HNF4G: variants seen among roughly 807,000 people sequenced by gnomAD.
HNF4G encodes hepatocyte nuclear factor 4-gamma.
Under a neutral mutation model 50.9 loss-of-function variants are expected in HNF4G, and 21 were observed. That is an observed-to-expected ratio of 0.41 (90% CI 0.29 to 0.59). HNF4G has a LOEUF of 0.59. HNF4G is among the 20% of genes least tolerant of loss of function. The pLI is 0.26. For missense variants in HNF4G, 527 were observed against 559.4 expected (o/e 0.94, Z 0.58); for synonymous variants, 198 against 185.6 (o/e 1.07, Z -0.54).
intron 1 of HNF4G, among the ~76,000 whole-genome samples, chr8:75,444,367 C>T (rs1585848554): frequency 6.6e-6 from 1 of 151,738 alleles, no homozygotes; most frequent in South Asian, 2.1e-4. Flanking sequence ...GAAACTGCAT[C>T]AACTAACCAG....
chr8:75,468,413 G>A (rs183223655), intron 1 of HNF4G, among the ~76,000 whole-genome samples: 22 of 152,168 alleles, frequency 1.4e-4, no homozygotes, highest in African/African-American at 4.6e-4. Flanking sequence ...AATATATGTA[G>A]GGCTGGGCAC....
upstream of HNF4G, among the ~76,000 whole-genome samples, chr8:75,535,161 A>G (rs79704711): frequency 0.011 from 1,709 of 151,912 alleles, 41 homozygotes; most frequent in African/African-American, 0.039. Flanking sequence ...CCATCATAAG[A>G]GGCAATTTCA....
At chr8:75,550,670 T>A (rs1806923082) in intron 3 of HNF4G, among the ~76,000 whole-genome samples, 1 of 149,382 alleles carries the variant, frequency 6.7e-6, no homozygotes, top group Non-Finnish European at 1.5e-5. Flanking sequence ...AATGCAGTTT[T>A]CAGTAAGGGA....
chr8:75,525,400 C>T (rs1437950834), intron 2 of HNF4G, among the ~76,000 whole-genome samples: 4 of 152,194 alleles, frequency 2.6e-5, no homozygotes, highest in African/African-American at 7.2e-5. Context: ...GATCTCTTGA[C>T]CTCATGATCT....
intron 1 of HNF4G, among the ~76,000 whole-genome samples, chr8:75,484,875 A>G (rs1281024979): frequency 6.6e-6 from 1 of 152,220 alleles, no homozygotes. Flanking sequence ...AGTAGAAACC[A>G]TATTTATTAC....
intron 2 of HNF4G, among the ~76,000 whole-genome samples, chr8:75,523,752 A>T (rs1306872242): frequency 6.6e-6 from 1 of 151,940 alleles, no homozygotes; most frequent in African/African-American, 2.4e-5. Flanking sequence ...AATACTAAAT[A>T]GAGTATTAAA....
chr8:75,506,785 T>C (rs1246300551), intron 2 of HNF4G, among the ~76,000 whole-genome samples: 1 of 152,132 alleles, frequency 6.6e-6, no homozygotes, highest in Non-Finnish European at 1.5e-5. Flanking sequence ...TCCAGACAAT[T>C]TTGTGATAGA....
In HNF4G at chr8:75,518,219, A is replaced by G. The variant is rs577329334; in HGVS notation, c.-23-25592A>G. On this transcript the variant is annotated intron_variant, in intron 2 of 10. Transcript: ENST00000354370. ...TGTTCTCATTGTTCAGTTCCCACCT[A>G]TGAGTGAGAACATGTGGTGTTTGGT... Among the ~76,000 whole-genome samples the G allele has an allele frequency of 1.9e-3, 259 of 136,150 alleles. 2 individuals carry two copies. The highest frequency in any genetic ancestry group is 6.9e-3 in the African/African-American group (247 of 35,688). 89.3% of individuals were successfully genotyped at this position (136,150 alleles called of 152,430 possible). A position where few individuals can be genotyped will look rare whatever the true frequency, so the allele number is the denominator to read the frequency against.
chr8:75,463,922 G>A (rs570802377), intron 1 of HNF4G, among the ~76,000 whole-genome samples: 9 of 151,986 alleles, frequency 5.9e-5, no homozygotes, highest in African/African-American at 1.2e-4. Flanking sequence ...TTACAGGCAT[G>A]TGCCATCATG....
intron 2 of HNF4G, among the ~76,000 whole-genome samples, chr8:75,510,645 A>G (rs1427154389): frequency 6.6e-6 from 1 of 152,208 alleles, no homozygotes; most frequent in Non-Finnish European, 1.5e-5. Context: ...TACACTATAC[A>G]GACTTGTAGC....
intron 1 of HNF4G, among the ~76,000 whole-genome samples, chr8:75,426,935 G>T (rs1228643216): frequency 2.0e-5 from 3 of 152,014 alleles, no homozygotes; most frequent in Non-Finnish European, 2.9e-5. Context: ...TAAATACAAT[G>T]ATTAATTTTT....
chr8:75,455,624 A>G (rs1811701936), intron 1 of HNF4G, among the ~76,000 whole-genome samples: 1 of 152,162 alleles, frequency 6.6e-6, no homozygotes. Context: ...GCTAATATTT[A>G]TTCTGATAAA....
chr8:75,498,741 G>T (rs1377292980), intron 2 of HNF4G, among the ~76,000 whole-genome samples: 1 of 151,788 alleles, frequency 6.6e-6, no homozygotes, highest in African/African-American at 2.4e-5. Context: ...CAAATGAAAG[G>T]GTGGTTCAAC....
At position 75,555,969 on chromosome 8, in the gene HNF4G, A is replaced by AT; in HGVS notation, c.646-8dup. 6.9e-7 allele frequency: 1 copy of AT among 1,442,094 alleles called. No homozygotes were observed. Among genetic ancestry groups the AT allele is most frequent in the Non-Finnish European group, 9.4e-7 (1 of 1,066,996 alleles). The allele number at this position is 1,442,094 out of a possible 1,614,324, so 89.3% of individuals were successfully genotyped here. A position where few individuals can be genotyped will look rare whatever the true frequency, so the allele number is the denominator to read the frequency against. On this transcript the variant is annotated splice_polypyrimidine_tract_variant and intron_variant, in intron 5 of 9. Coordinates refer to ENST00000396423, the MANE Select transcript of HNF4G (RefSeq NM_004133.5). The stretch of plus-strand genomic sequence containing the variant: ...ATTATAATTAATTGTTAAACTGAGA[A>AT]TTTTTCATTAAGGTGGCACTGTTGA...
chr8:75,551,447 A>G lies in HNF4G; in HGVS notation c.442A>G (p.Ile148Val), dbSNP rs775946790. Reference sequence around the variant, plus strand: ...AAGAAGCACATTTGATGGCAGCAACATCCCCTCCATTAACACACTGGCACA... The same window carrying G: ...AAGAAGCACATTTGATGGCAGCAACGTCCCCTCCATTAACACACTGGCACA... ...TRRSTFDGSN[I>V]PSINTLAQAE... The change falls in exon 4 of 10, where the codon ATC becomes GTC. Residue 148 changes from isoleucine to valine, a missense_variant. Ile to Val is a conservative substitution (Grantham distance 29, BLOSUM62 3). Transcript: ENST00000396423. The G allele has an allele frequency of 6.2e-7, 1 of 1,613,498 alleles. No individual in the cohort carries two copies.
intron 2 of HNF4G, among the ~76,000 whole-genome samples, chr8:75,502,982 T>C (rs780344291): frequency 7.2e-5 from 11 of 151,728 alleles, no homozygotes; most frequent in Non-Finnish European, 1.3e-4. Flanking sequence ...CAAACACTTA[T>C]ACTCATGCAG....
Position 75,529,229 on chromosome 8 carries a change from T to G in HNF4G, c.-23-14582T>G, listed in dbSNP as rs538232708. Among the ~76,000 whole-genome samples, 9 of 151,956 alleles carry G rather than the reference T, an allele frequency of 5.9e-5. No individual in the cohort carries two copies. The South Asian group carries it at 1.5e-3, about 25-fold the overall frequency. On this transcript the variant is annotated intron_variant, in intron 2 of 10. Coordinates refer to the HNF4G transcript ENST00000354370. ...TGGCGTGAACCCGGCAGGCGGAGCT[T>G]GCAGTGAGCTGAGATCGCGCCACTG...
rs745381176 is a variant in HNF4G, at chr8:75,566,462, T to C, written c.*2366T>C. ...GTATATTTACTAAACAGCTGTATCT[T>C]TGAAATTGTTAGTAATGATTCTGCT... is the stretch of plus-strand genomic sequence containing the variant. On this transcript the variant is annotated 3_prime_UTR_variant, in exon 10 of 10. Transcript: ENST00000396423. 6.6e-6 allele frequency: 1 copy of C among 152,586 alleles called. No individual in the cohort carries two copies. Among genetic ancestry groups the C allele is most frequent in the Non-Finnish European group, 1.5e-5 (1 of 68,018 alleles). The allele number at this position is 152,586 out of a possible 1,614,324, so 9.5% of individuals were successfully genotyped here.
chr8:75,488,513 A>G (rs1208559867), intron 1 of HNF4G, among the ~76,000 whole-genome samples: 1 of 152,006 alleles, frequency 6.6e-6, no homozygotes, highest in Non-Finnish European at 1.5e-5. Context: ...TCTGACCTCA[A>G]GTGATCTGCC....
Sources: gnomAD v4.1 joint callset for allele counts (sites outside exome capture counted in the v4.1 genomes callset) on GRCh38, gnomAD v4.1.1 for gene constraint, MANE v1.5 for transcripts, NCBI Gene and HGNC (gene_info 2026-07-23, HGNC 2026-07-21) for gene names.